Variants in FOXP1 observed in about 807,000 individuals in gnomAD.
The protein encoded by FOXP1 is forkhead box protein P1.
Under a neutral mutation model 98.2 loss-of-function variants are expected in FOXP1, and 15 were observed. That is an observed-to-expected ratio of 0.15 (90% CI 0.10 to 0.24). FOXP1 has a LOEUF of 0.24. Ranked by LOEUF, FOXP1 falls within the 10% of genes least tolerant of loss-of-function variation. The probability of loss-of-function intolerance (pLI) is 1.00; values close to 1 mark genes in which losing one functional copy is unlikely to be tolerated. For missense variants in FOXP1, 633 were observed against 848.5 expected (o/e 0.75, Z 3.15); for synonymous variants, 371 against 314.5 (o/e 1.18, Z -1.90).
At chr3:71,454,490 C>T (rs1002106747) in intron 3 of FOXP1, among the ~76,000 whole-genome samples, 1 of 151,694 alleles carries the variant, frequency 6.6e-6, no homozygotes, top group African/African-American at 2.4e-5. Context: ...TTTTCAAAAA[C>T]TCCACAATAT....
At position 70,977,879 on chromosome 3, in the gene FOXP1, C is replaced by T. The variant is rs1468570529; in HGVS notation, c.1297G>A (p.Gly433Arg). 6.2e-7 allele frequency: 1 copy of T among 1,614,018 alleles called. No homozygotes were observed. Among genetic ancestry groups the T allele is most frequent in the Non-Finnish European group, 8.5e-7 (1 of 1,180,038 alleles). The part of the protein sequence containing the change: ...VITTTSMHTV[G>R]PIRRRYSDKY... The stretch of plus-strand genomic sequence containing the variant: ...TCTGAGTACCGCCTGCGGATGGGTC[C>T]CACCGTGTGCATGCTGGTGGTTGTG... Residue 433 changes from glycine to arginine, a missense_variant, in exon 15 of 21, where the codon GGA (glycine) becomes AGA (arginine). By Grantham distance (125) the Gly-to-Arg change is moderately radical. Transcript: ENST00000649528.
At chr3:71,055,979 T>C (rs1238024485) in intron 7 of FOXP1, among the ~76,000 whole-genome samples, 3 of 152,236 alleles carry the variant, frequency 2.0e-5, no homozygotes, top group East Asian at 3.9e-4. Flanking sequence ...GAAATCATGA[T>C]AGAAATAACC....
chr3:71,237,334 G>C (rs998953695), intron 5 of FOXP1, among the ~76,000 whole-genome samples: 2 of 144,646 alleles, frequency 1.4e-5, no homozygotes, highest in Non-Finnish European at 3.0e-5. Flanking sequence ...AGATGAATGA[G>C]ATAGTTAACC....
rs556439231 is a variant in FOXP1 at position 71,250,205 on chromosome 3, G to A, written c.-12+49615C>T. ...AGTAGCACATGCCCCCACCGCATTCGTGACCTCCAAAAACGTCTCCAGACG... is the reference window on the plus strand; with the variant it reads ...AGTAGCACATGCCCCCACCGCATTCATGACCTCCAAAAACGTCTCCAGACG... On this transcript the variant is annotated intron_variant, in intron 5 of 20. Transcript: ENST00000649528. Among the ~76,000 whole-genome samples the A allele has an allele frequency of 2.0e-5, 3 of 152,278 alleles. 1 individual carries two copies. Among genetic ancestry groups the A allele is most frequent in the African/African-American group, 4.8e-5 (2 of 41,556 alleles).
At chr3:71,441,700 C>G (rs2085959074) in intron 3 of FOXP1, among the ~76,000 whole-genome samples, 1 of 152,154 alleles carries the variant, frequency 6.6e-6, no homozygotes, top group South Asian at 2.1e-4. Flanking sequence ...TTCGTAAACC[C>G]TCAAGTTCTC....
chr3:71,391,221 T>C (rs139030292), intron 3 of FOXP1, among the ~76,000 whole-genome samples: 99 of 152,358 alleles, frequency 6.5e-4, no homozygotes, highest in African/African-American at 2.2e-3. Context: ...GTCAATTTTA[T>C]TGACTTCCTC....
chr3:71,405,001 C>G (rs548804727), intron 3 of FOXP1, among the ~76,000 whole-genome samples: 1 of 152,288 alleles, frequency 6.6e-6, no homozygotes, highest in Admixed American at 6.5e-5. Flanking sequence ...ACCCCCAGCC[C>G]AAGGACTGAC....
At chr3:70,972,383 G>C in intron 18 of FOXP1, 172 bp downstream of exon 18, 1 of 993,634 alleles carries the variant, frequency 1.0e-6, no homozygotes, top group Non-Finnish European at 1.6e-6. Flanking sequence ...GCAGGGCAGG[G>C]GGACTGGTGG....
chr3:71,025,412 T>C (rs58897553), intron 11 of FOXP1, among the ~76,000 whole-genome samples: 11,794 of 152,134 alleles, frequency 0.078, 768 homozygotes, highest in African/African-American at 0.16. Context: ...ACCAAGGATC[T>C]TGGGTGTTCC....
chr3:71,225,474 G>A (rs1040820792), intron 5 of FOXP1, among the ~76,000 whole-genome samples: 3 of 152,134 alleles, frequency 2.0e-5, no homozygotes, highest in Non-Finnish European at 2.9e-5. Context: ...ACATTTTAAC[G>A]TGAAGCTCTA....
At chr3:71,025,994 A>G (rs915454281) in intron 11 of FOXP1, among the ~76,000 whole-genome samples, 1 of 152,342 alleles carries the variant, frequency 6.6e-6, no homozygotes, top group African/African-American at 2.4e-5. Flanking sequence ...CAGGGTTTCC[A>G]TGCACTTGGC....
At chr3:71,198,040 C>T (rs2063400502) in intron 6 of FOXP1, 162 bp downstream of exon 6, 16 of 1,614,194 alleles carry the variant, frequency 9.9e-6, no homozygotes, top group Non-Finnish European at 1.1e-5. Flanking sequence ...GCTGGGACTC[C>T]TAGAGGGCTG....
At chr3:71,040,928 T>G (rs2048260933) in intron 11 of FOXP1, among the ~76,000 whole-genome samples, 1 of 152,168 alleles carries the variant, frequency 6.6e-6, no homozygotes, top group South Asian at 2.1e-4. Flanking sequence ...ATAAGTTCTA[T>G]GTTTTCTCAA....
chr3:71,064,957 A>T (rs1257221911), intron 7 of FOXP1: 2 of 197,592 alleles, frequency 1.0e-5, no homozygotes, highest in Non-Finnish European at 1.8e-5. Flanking sequence ...TCGCGGGCTG[A>T]CAAGACGCGC....
intron 7 of FOXP1, among the ~76,000 whole-genome samples, chr3:71,070,675 C>G (rs1322910129): frequency 6.6e-6 from 1 of 152,218 alleles, no homozygotes; most frequent in African/African-American, 2.4e-5. Flanking sequence ...GTGGGCCAGA[C>G]TCCCAGCTGA....
At chr3:71,519,536 C>G (rs1227200502) in intron 2 of FOXP1, among the ~76,000 whole-genome samples, 8 of 152,086 alleles carry the variant, frequency 5.3e-5, no homozygotes, top group Non-Finnish European at 1.2e-4. Flanking sequence ...TTTCTAAGGC[C>G]CCATCTCTAC....
At chr3:71,012,155 C>T (rs2043746428) in intron 12 of FOXP1, among the ~76,000 whole-genome samples, 1 of 152,104 alleles carries the variant, frequency 6.6e-6, no homozygotes, top group African/African-American at 2.4e-5. Flanking sequence ...GTTCTAGAGA[C>T]TTTATAACAA....
At chr3:71,157,855 G>C (rs1215869223) in intron 6 of FOXP1, among the ~76,000 whole-genome samples, 1 of 151,992 alleles carries the variant, frequency 6.6e-6, no homozygotes, top group Non-Finnish European at 1.5e-5. Context: ...GGGAGGCTGA[G>C]GCAAGCAGGT....
At chr3:71,525,274 T>C (rs867458392) in intron 2 of FOXP1, among the ~76,000 whole-genome samples, 1 of 152,182 alleles carries the variant, frequency 6.6e-6, no homozygotes, top group Non-Finnish European at 1.5e-5. Flanking sequence ...GGAAACACAG[T>C]GTTGAATGAA....
Sources: gnomAD v4.1 joint callset for allele counts (sites outside exome capture counted in the v4.1 genomes callset) on GRCh38, gnomAD v4.1.1 for gene constraint, MANE v1.5 for transcripts, NCBI Gene and HGNC (gene_info 2026-07-23, HGNC 2026-07-21) for gene names.